Variants in KIF9 observed in about 807,000 individuals in gnomAD.
KIF9 encodes the protein kinesin-like protein KIF9.
KIF9 carries 68 observed loss-of-function variants against 94.8 expected under a neutral mutation model. The observed-to-expected ratio is 0.72, with a 90% CI of 0.59 to 0.88. KIF9 has a LOEUF of 0.88. Among genes scored for constraint, KIF9 ranks in the 40% least tolerant of loss-of-function variants. The pLI is 0.00. For missense variants in KIF9, 882 were observed against 982.5 expected, an observed-to-expected ratio of 0.90 and a Z score of 1.37; for synonymous variants, 343 against 362.1, an observed-to-expected ratio of 0.95 and a Z score of 0.60.
Position 47,240,891 on chromosome 3 carries a change from CGCTG to C in KIF9, c.1830_1833del (p.Ser611ArgfsTer15). 1 of 1,614,188 alleles carries C rather than the reference CGCTG, an allele frequency of 6.2e-7. No individual in the cohort carries two copies. The highest frequency in any genetic ancestry group is 8.5e-7 in the Non-Finnish European group (1 of 1,180,036). On this transcript the variant is annotated frameshift_variant, in exon 17 of 21. Coordinates refer to ENST00000684063, the MANE Select transcript of KIF9 (RefSeq NM_182902.4). LOFTEE classifies it high-confidence loss of function. ...ATGGCATTGATGTGCTGTGTGGTCT[CGCTG>C]GCCCTTTTCCTCCGTTCATTCAAGA...
chr3:47,276,306 A>G (rs1701960502), intron 2 of KIF9, among the ~76,000 whole-genome samples: 1 of 152,212 alleles, frequency 6.6e-6, no homozygotes, highest in African/African-American at 2.4e-5. Flanking sequence ...CTGTAATCCC[A>G]GCACTTTGGG....
chr3:47,257,670 T>C, intron 9 of KIF9, 110 bp from the exon 10 acceptor site: 1 of 890,006 alleles, frequency 1.1e-6, no homozygotes, highest in Non-Finnish European at 1.8e-6. Context: ...TTAAGCTCCC[T>C]TGTCAACCCA....
intron 9 of KIF9, chr3:47,263,724 C>T (rs1461767721): frequency 5.1e-6 from 2 of 390,864 alleles, no homozygotes; most frequent in African/African-American, 4.2e-5. Context: ...GGTCTCCTCC[C>T]TCTGGGCCTC....
chr3:47,264,225 C>T (rs867773024), intron 9 of KIF9, 61 bp downstream of exon 9: 5 of 1,318,060 alleles, frequency 3.8e-6, no homozygotes, highest in Non-Finnish European at 5.5e-6. Context: ...TGGAGCCTTA[C>T]CCTGCCCTGG....
chr3:47,228,562 G>GT lies in KIF9; in HGVS notation c.*89_*90insA, dbSNP rs1413023306. The GT allele has an allele frequency of 6.7e-6, 7 of 1,044,854 alleles. No homozygotes were observed. The highest frequency in any genetic ancestry group is 1.6e-5 in the African/African-American group (1 of 63,840). 64.7% of individuals were successfully genotyped at this position (1,044,854 alleles called of 1,614,324 possible). A position where few individuals can be genotyped will look rare whatever the true frequency, so the allele number is the denominator to read the frequency against. Reference sequence around the variant, plus strand: ...CTGGGTCCCAGCATTGGAGTAGAGGGGGCTGCAGCTCTGGGCAGGTGGTTG... The same window carrying GT: ...CTGGGTCCCAGCATTGGAGTAGAGGGTGGCTGCAGCTCTGGGCAGGTGGTTG... On this transcript the variant is annotated 3_prime_UTR_variant, in exon 21 of 21. Transcript: ENST00000684063.
rs1339743079 is a variant in KIF9, at chr3:47,250,109, T to TG, written c.1060-2024_1060-2023insC. Among the ~76,000 whole-genome samples, 3 of 988 alleles carry TG rather than the reference T, an allele frequency of 3.0e-3. No homozygotes were observed. In the Non-Finnish European group the frequency reaches 0.071, roughly 24 times the overall value. The allele number at this position is 988 out of a possible 152,430, so 0.6% of individuals were successfully genotyped here. On this transcript the variant is annotated intron_variant, in intron 10 of 20. Coordinates refer to ENST00000684063, the MANE Select transcript of KIF9 (RefSeq NM_182902.4). ...TGCAACATGCTTTAAAAATCTCTAA[T>TG]TTTTTTTCATAGCACATTTTGCCTT...
rs1699048073 is a variant in KIF9 at position 47,236,637 on chromosome 3, A to T, written c.1925-18T>A. On this transcript the variant is annotated intron_variant, in intron 17 of 20. Coordinates refer to ENST00000684063, the MANE Select transcript of KIF9 (RefSeq NM_182902.4). The stretch of plus-strand genomic sequence containing the variant: ...GTACTTGCCTGCAAGGTGATGGAAG[A>T]AGTCAGGAAATGAGGAGGTGTCCAC... The T allele has an allele frequency of 8.1e-6, 13 of 1,612,082 alleles. No homozygotes were observed. The highest frequency in any genetic ancestry group is 2.7e-5 in the African/African-American group (2 of 74,896).
chr3:47,252,564 T>C (rs951916745), intron 10 of KIF9, among the ~76,000 whole-genome samples: 2 of 151,970 alleles, frequency 1.3e-5, no homozygotes, highest in African/African-American at 2.4e-5. Flanking sequence ...ACCACTGCAC[T>C]CCAGCTTGGG....
intron 5 of KIF9, 46 bp from the exon 6 acceptor site, chr3:47,267,309 G>T: frequency 7.4e-7 from 1 of 1,357,584 alleles, no homozygotes; most frequent in South Asian, 1.2e-5. Context: ...AAACTAAAAC[G>T]ACAAGGCACT....
intron 20 of KIF9, among the ~76,000 whole-genome samples, chr3:47,232,330 G>C (rs185455948): frequency 6.1e-4 from 93 of 152,054 alleles, no homozygotes; most frequent in African/African-American, 2.2e-3. Flanking sequence ...TGTCACCCAG[G>C]CTGGAGTGCA....
intron 16 of KIF9, among the ~76,000 whole-genome samples, chr3:47,242,088 G>A (rs2107177846): frequency 6.6e-6 from 1 of 151,632 alleles, no homozygotes; most frequent in South Asian, 2.1e-4. Context: ...CCACTATGTT[G>A]CCCAGGCTCT....
chr3:47,257,265 G>C (rs759662064), intron 10 of KIF9, among the ~76,000 whole-genome samples: 13 of 152,060 alleles, frequency 8.5e-5, no homozygotes, highest in Non-Finnish European at 1.5e-4. Flanking sequence ...ATGTGAACTT[G>C]TTGGTGGCCT....
chr3:47,274,507 T>G (rs910267357), intron 3 of KIF9, among the ~76,000 whole-genome samples: 1 of 152,262 alleles, frequency 6.6e-6, no homozygotes, highest in Non-Finnish European at 1.5e-5. Flanking sequence ...GACACTCTAG[T>G]TCTTGGGACT....
chr3:47,259,283 C>G (rs1256387835), intron 9 of KIF9, among the ~76,000 whole-genome samples: 2 of 152,234 alleles, frequency 1.3e-5, no homozygotes, highest in Non-Finnish European at 2.9e-5. Flanking sequence ...GGCTTCACTG[C>G]CAGCACAGAG....
At chr3:47,257,183 A>G (rs1262228930) in intron 10 of KIF9, among the ~76,000 whole-genome samples, 1 of 137,898 alleles carries the variant, frequency 7.3e-6, no homozygotes, top group Non-Finnish European at 1.6e-5. Flanking sequence ...ATTGACTGGC[A>G]AAAAAAAAAA....
At chr3:47,236,218 T>C (rs1028404154) in intron 18 of KIF9, 69 bp from the exon 19 acceptor site, 1 of 1,224,322 alleles carries the variant, frequency 8.2e-7, no homozygotes, top group African/African-American at 1.5e-5. Flanking sequence ...CTGTCTTATA[T>C]CTGTTGCAGG....
Position 47,248,028 on chromosome 3 carries a change from T to C in KIF9, c.1118A>G (p.His373Arg). ...CCTCTAGCCTCTTACCAGGCTGTCA[T>C]GGATAGCCAGCTCCTGCTTGAGTAG... is the stretch of plus-strand genomic sequence containing the variant. ...LALLKQELAI[H>R]DSLTNRTFVT... Residue 373 changes from histidine (H) to arginine (R), a missense_variant, in exon 11 of 21, where the codon CAT (histidine) becomes CGT (arginine). Physicochemically the swap from His to Arg is conservative, Grantham distance 29 (BLOSUM62 0). Transcript: ENST00000684063. 6.2e-7 allele frequency: 1 copy of C among 1,613,110 alleles called. No individual in the cohort carries two copies. The highest frequency in any genetic ancestry group is 8.5e-7 in the Non-Finnish European group (1 of 1,179,214).
intron 5 of KIF9, among the ~76,000 whole-genome samples, chr3:47,270,411 A>G (rs916774531): frequency 1.3e-5 from 2 of 148,316 alleles, no homozygotes; most frequent in African/African-American, 2.5e-5. Flanking sequence ...CCGCCACCAC[A>G]CCCAGCTTAT....
chr3:47,269,713 T>C (rs1164872718), intron 5 of KIF9, among the ~76,000 whole-genome samples: 1 of 151,330 alleles, frequency 6.6e-6, no homozygotes, highest in Admixed American at 6.6e-5. Flanking sequence ...GCAATTCTCC[T>C]GCCTCAGCCC....
Sources: allele counts gnomAD v4.1 joint callset (sites outside exome capture counted in the v4.1 genomes callset), GRCh38; gene constraint gnomAD v4.1.1; transcripts MANE v1.5; gene names NCBI Gene and HGNC (gene_info 2026-07-23, HGNC 2026-07-21).